The following MICAL1 variants were observed in gnomAD, a reference collection of about 807,000 sequenced individuals.
MICAL1 encodes [F-actin]-monooxygenase MICAL1.
MICAL1 carries 95 observed loss-of-function variants against 131.8 expected under a neutral mutation model. The observed-to-expected ratio is 0.72, with a 90% confidence interval of 0.61 to 0.86. The LOEUF is 0.86. MICAL1 is among the 40% of genes least tolerant of loss of function. The pLI is 0.00. For synonymous variants in MICAL1, 546 were observed against 554.2 expected, an observed-to-expected ratio of 0.99 and a Z score of 0.21; for missense variants, 1,292 against 1,380.6, an observed-to-expected ratio of 0.94 and a Z score of 1.02.
At chr6:109,451,841 T>A in intron 6 of MICAL1, 141 bp from the exon 7 acceptor site, 2 of 1,438,040 alleles carry the variant, frequency 1.4e-6, no homozygotes, top group Non-Finnish European at 9.1e-7. Flanking sequence ...ACCCCACGAG[T>A]CCTGATGACA....
rs762147419 is a variant in MICAL1, at chr6:109,446,736, T to G, written c.2264A>C (p.Asp755Ala). ...TCTATCGCTGCCTTCCGCTTTGTGGTCTGTCTGGGGCAGGTGCTGGAGGCA... is the reference window on the plus strand; with the variant it reads ...TCTATCGCTGCCTTCCGCTTTGTGGGCTGTCTGGGGCAGGTGCTGGAGGCA... ...FYCLQHLPQT[D>A]HKAEGSDRGP... Residue 755 changes from aspartate to alanine, a missense_variant, in exon 18 of 25, where the codon GAC (aspartate) becomes GCC (alanine). Asp to Ala is a moderately radical substitution (Grantham distance 126, BLOSUM62 -2). Coordinates refer to ENST00000358807, the MANE Select transcript of MICAL1 (RefSeq NM_022765.4). 2 of 1,613,708 alleles carry G rather than the reference T, an allele frequency of 1.2e-6. No homozygotes were observed. The highest frequency in any genetic ancestry group is 2.7e-5 in the African/African-American group (2 of 74,902).
intron 18 of MICAL1, 47 bp downstream of exon 18, chr6:109,446,649 C>T (rs1357993885): frequency 1.9e-6 from 3 of 1,588,744 alleles, no homozygotes; most frequent in Admixed American, 1.7e-5. Flanking sequence ...ACGAGACCCT[C>T]TTCCTCTTCC....
rs189234851 is a variant in MICAL1, at chr6:109,444,421, A to G, written c.3056-82T>C. 519 of 1,580,892 alleles carry G rather than the reference A, an allele frequency of 3.3e-4. 1 individual carries two copies. The African/African-American group carries it at 5.4e-3, about 17-fold the overall frequency. Reference sequence around the variant, plus strand: ...CCACAACCTAATCCCAGCCTATGTGATTTCTATAACCCGGGCTTTGTTTCC... The same window carrying G: ...CCACAACCTAATCCCAGCCTATGTGGTTTCTATAACCCGGGCTTTGTTTCC... On this transcript the variant is annotated intron_variant, in intron 24 of 24. Coordinates refer to ENST00000358807, the MANE Select transcript of MICAL1 (RefSeq NM_022765.4).
chr6:109,449,048 CT>C, intron 11 of MICAL1, 169 bp from the exon 12 acceptor site: 1 of 881,688 alleles, frequency 1.1e-6, no homozygotes, highest in Non-Finnish European at 1.7e-6. Context: ...TCCCAATTCT[CT>C]TTTAAAAAAA....
chr6:109,453,607 C>A, intron 3 of MICAL1, 31 bp downstream of exon 3: 1 of 1,560,374 alleles, frequency 6.4e-7, no homozygotes, highest in South Asian at 1.2e-5. Flanking sequence ...CCAAGCTCAC[C>A]CGCCCCTCCA....
At chr6:109,448,968 A>C (rs1775381336) in intron 11 of MICAL1, 89 bp from the exon 12 acceptor site, 2 of 1,544,056 alleles carry the variant, frequency 1.3e-6, no homozygotes, top group African/African-American at 2.7e-5. Context: ...GGGGTTCTGT[A>C]GGGGAGGAGG....
chr6:109,460,025 C>A (rs1384759636), upstream of MICAL1, among the ~76,000 whole-genome samples: 1 of 152,174 alleles, frequency 6.6e-6, no homozygotes, highest in East Asian at 1.9e-4. Flanking sequence ...AATAAAAGTT[C>A]TCTATCCTGA....
upstream of MICAL1, among the ~76,000 whole-genome samples, chr6:109,460,101 T>C (rs199926233): frequency 7.3e-6 from 1 of 137,234 alleles, no homozygotes; most frequent in Admixed American, 7.4e-5. Context: ...TTCAGACTCA[T>C]AAAAAAGCTA....
Position 109,446,696 on chromosome 6 carries a change from C to G in MICAL1, c.2304G>C (p.Pro768=). The change falls in exon 18 of 25, where the codon CCG becomes CCC. Residue 768 remains proline, a splice_region_variant and synonymous_variant. Coordinates refer to ENST00000358807, the MANE Select transcript of MICAL1 (RefSeq NM_022765.4). ...ATACATACACGCCTTCAGTCTTTAC[C>G]GGACTCTCAGGGCCTCTATCGCTGC... ...AEGSDRGPES[P]ELPTPSENSM... 6.2e-7 allele frequency: 1 copy of G among 1,613,472 alleles called. No homozygotes were observed. The highest frequency in any genetic ancestry group is 8.5e-7 in the Non-Finnish European group (1 of 1,179,682).
Position 109,448,769 on chromosome 6 carries a change from G to C in MICAL1, c.1627C>G (p.Leu543Val), listed in dbSNP as rs1775369559. 3.7e-6 allele frequency: 6 copies of C among 1,614,086 alleles called. No homozygotes were observed. The highest frequency in any genetic ancestry group is 5.1e-6 in the Non-Finnish European group (6 of 1,179,986). ...LSSSWADGLALCALVYRLQPG... is the reference protein window; with the variant it reads ...LSSSWADGLAVCALVYRLQPG... ...TGCAGCCGGTACACCAGGGCACACA[G>C]AGCTAGCCCATCAGCCCAGGAGGAA... is the stretch of plus-strand genomic sequence containing the variant. The change falls in exon 12 of 25, where the codon CTG (leucine) becomes GTG (valine). Residue 543 changes from leucine to valine, a missense_variant. Coordinates refer to ENST00000358807, the MANE Select transcript of MICAL1 (RefSeq NM_022765.4).
intron 8 of MICAL1, 106 bp from the exon 9 acceptor site, chr6:109,450,191 G>A: frequency 6.4e-7 from 1 of 1,560,904 alleles, no homozygotes; most frequent in South Asian, 1.2e-5. Context: ...CCCCACACCA[G>A]GCAGCCCTTA....
intron 11 of MICAL1, 134 bp downstream of exon 11, chr6:109,449,266 C>T (rs1232779936): frequency 1.0e-6 from 1 of 998,334 alleles, no homozygotes; most frequent in Admixed American, 1.9e-5. Flanking sequence ...AGGCCCCCAA[C>T]CAACCCACCA....
chr6:109,451,738 T>C, intron 6 of MICAL1, 38 bp from the exon 7 acceptor site: 2 of 1,610,078 alleles, frequency 1.2e-6, no homozygotes, highest in Non-Finnish European at 1.7e-6. Context: ...ATATGTCTCC[T>C]GATAATGCAT....
rs572866945 is a variant in MICAL1 at position 109,451,605 on chromosome 6, G to A, written c.928C>T (p.Arg310Cys). The part of the protein sequence containing the change: ...KQCLLRLGVL[R>C]QDWPDTNRLL... The stretch of plus-strand genomic sequence containing the variant: ...TGGCCAGGACTGGGCCTCACCTGGC[G>A]CAGCACCCCCAGCCGCAGCAGGCAC... Residue 310 changes from arginine to cysteine, a missense_variant, in exon 7 of 25, where the codon CGC becomes TGC. By Grantham distance (180) the Arg-to-Cys change is radical. Coordinates refer to ENST00000358807, the MANE Select transcript of MICAL1 (RefSeq NM_022765.4). 1.9e-5 allele frequency: 30 copies of A among 1,613,602 alleles called. No individual in the cohort carries two copies. The highest frequency in any genetic ancestry group is 4.0e-5 in the African/African-American group (3 of 74,920).
At position 109,448,106 on chromosome 6, in the gene MICAL1, ACACACACACACCGCCTTCTCCCTCTGT is replaced by A. The variant is rs1347024438; in HGVS notation, c.1855+70_1855+96del. On this transcript the variant is annotated intron_variant, in intron 13 of 24. Coordinates refer to ENST00000358807, the MANE Select transcript of MICAL1 (RefSeq NM_022765.4). ...CCTTCTTCCTCTTTCTGACACACAC[ACACACACACACCGCCTTCTCCCTCTGT>A]CACACACACACACACACACACACAC... is the stretch of plus-strand genomic sequence containing the variant. The A allele has an allele frequency of 1.9e-5, 26 of 1,381,242 alleles. No homozygotes were observed. The East Asian group carries it at 3.9e-4, about 21-fold the overall frequency. 85.6% of individuals were successfully genotyped at this position (1,381,242 alleles called of 1,614,324 possible).
chr6:109,446,195 G>A lies in MICAL1; in HGVS notation c.2522C>T (p.Ala841Val), dbSNP rs867658764. The part of the protein sequence containing the change: ...PKPPRSCSAL[A>V]RHALESSFVG... Reference sequence around the variant, plus strand: ...AAAGCTGCTCTCCAGGGCGTGGCGGGCCAAGGCGGAGCAGCTGCGGGGAGG... The same window carrying A: ...AAAGCTGCTCTCCAGGGCGTGGCGGACCAAGGCGGAGCAGCTGCGGGGAGG... Residue 841 changes from alanine to valine, a missense_variant, in exon 19 of 25, where the codon GCC becomes GTC. By Grantham distance (64) the Ala-to-Val change is moderately conservative. Coordinates refer to ENST00000358807, the MANE Select transcript of MICAL1 (RefSeq NM_022765.4). 6.9e-6 allele frequency: 11 copies of A among 1,593,354 alleles called. No individual in the cohort carries two copies. The highest frequency in any genetic ancestry group is 9.4e-6 in the Non-Finnish European group (11 of 1,171,194).
At chr6:109,444,670 A>T in intron 24 of MICAL1, 55 bp downstream of exon 24, 1 of 1,587,362 alleles carries the variant, frequency 6.3e-7, no homozygotes, top group Non-Finnish European at 8.7e-7. Context: ...TGAGATCATG[A>T]GGCTTGCATG....
rs764811138 is a variant in MICAL1, at chr6:109,446,135, C to T, written c.2581+1G>A. On this transcript the variant is annotated splice_donor_variant, in intron 19 of 24. Coordinates refer to ENST00000358807, the MANE Select transcript of MICAL1 (RefSeq NM_022765.4). LOFTEE classifies it high-confidence loss of function. ...TCAGCACATCTGTGAGGATGGGTTA[C>T]CTTGAGGGCTCTGGACTGGCAGGCC... 15 of 1,447,654 alleles carry T rather than the reference C, an allele frequency of 1.0e-5. No individual in the cohort carries two copies. The highest frequency in any genetic ancestry group is 1.4e-5 in the Non-Finnish European group (15 of 1,090,950). 89.7% of individuals were successfully genotyped at this position (1,447,654 alleles called of 1,614,324 possible).
Position 109,448,803 on chromosome 6 carries a change from G to A in MICAL1, c.1593C>T (p.Ser531=), listed in dbSNP as rs150407538. The change falls in exon 12 of 25, where the codon TCC becomes TCT. Residue 531 remains serine, a synonymous_variant. Coordinates refer to ENST00000358807, the MANE Select transcript of MICAL1 (RefSeq NM_022765.4). ...QTAGYPGVHV[S]DLSSSWADGL... ...CATCAGCCCAGGAGGAAGACAAATC[G>A]GAGACGTGGACTCCCGGGTACCCAG... The A allele has an allele frequency of 1.1e-5, 17 of 1,614,062 alleles. No individual in the cohort carries two copies. In the East Asian group the frequency reaches 1.8e-4, roughly 17 times the overall value.
Sources: allele counts gnomAD v4.1 joint callset (sites outside exome capture counted in the v4.1 genomes callset), GRCh38; gene constraint gnomAD v4.1.1; transcripts MANE v1.5; gene names NCBI Gene and HGNC (gene_info 2026-07-23, HGNC 2026-07-21).